CEP128: variants seen among roughly 807,000 people sequenced by gnomAD.
CEP128 encodes the protein centrosomal protein 128, also known as centrosomal protein 128kDa.
Under a neutral mutation model 156.7 loss-of-function variants are expected in CEP128, and 132 were observed. The observed-to-expected ratio is 0.84, with a 90% confidence interval of 0.73 to 0.97. The LOEUF (loss-of-function observed/expected upper bound fraction) is 0.97, where lower values mean the gene tolerates loss of function less well. CEP128 is among the 50% of genes least tolerant of loss of function. The probability of loss-of-function intolerance (pLI) is 0.00; values close to 1 mark genes in which losing one functional copy is unlikely to be tolerated. For missense variants in CEP128, 1,252 were observed against 1,281.9 expected (o/e 0.98, Z 0.36); for synonymous variants, 469 against 448.9 (o/e 1.04, Z -0.57).
intron 19 of CEP128, among the ~76,000 whole-genome samples, chr14:80,643,864 G>C (rs1307451230): frequency 6.6e-6 from 1 of 152,180 alleles, no homozygotes; most frequent in African/African-American, 2.4e-5. Context: ...ACAGTGACTA[G>C]TGAACTCCCA....
At chr14:80,697,580 T>C (rs955713724) in intron 19 of CEP128, among the ~76,000 whole-genome samples, 3 of 152,084 alleles carry the variant, frequency 2.0e-5, no homozygotes, top group Non-Finnish European at 4.4e-5. Context: ...ATTGTCTATA[T>C]GTACATTTTG....
In CEP128 at chr14:80,619,031, T is replaced by A. The variant is rs141090802; in HGVS notation, c.2807-38608A>T. 2.1e-3 allele frequency among the ~76,000 whole-genome samples: 323 copies of A among 152,288 alleles called. 2 individuals are homozygous for A. Among genetic ancestry groups the A allele is most frequent in the African/African-American group, 7.6e-3 (315 of 41,552 alleles). On this transcript the variant is annotated intron_variant, in intron 19 of 24. Transcript: ENST00000555265. ...CACATTTCTGACAAGGACTCCTCCA[T>A]TGTGTACTGGTTAAGTGTAAAAATG...
intron 2 of CEP128, among the ~76,000 whole-genome samples, chr14:80,922,484 A>G (rs1374725260): frequency 2.0e-5 from 3 of 152,252 alleles, no homozygotes; most frequent in African/African-American, 7.2e-5. Context: ...ACTCACTTAA[A>G]GAAACATTCT....
chr14:80,511,697 GTTC>G (rs752673829), intron 23 of CEP128, among the ~76,000 whole-genome samples: 2 of 151,470 alleles, frequency 1.3e-5, no homozygotes, highest in Non-Finnish European at 3.0e-5. Flanking sequence ...TTTATTTGAA[GTTC>G]TTCTGCTTTT....
chr14:80,823,645 C>T (rs775701109), intron 13 of CEP128, among the ~76,000 whole-genome samples: 8 of 152,164 alleles, frequency 5.3e-5, no homozygotes, highest in Non-Finnish European at 8.8e-5. Flanking sequence ...CCTTTGATTC[C>T]ATGTCTCACA....
intron 2 of CEP128, among the ~76,000 whole-genome samples, chr14:80,936,934 A>G (rs1405474931): frequency 6.6e-6 from 1 of 152,074 alleles, no homozygotes; most frequent in Non-Finnish European, 1.5e-5. Flanking sequence ...ATTAGCATGT[A>G]TATCTACTAT....
rs1900931572 is a variant in CEP128, at chr14:80,778,625, TAAAATG to T, written c.2212-585_2212-580del. ...TATAACAATCAAGAAACTACAAACTTAAAATGAAAAAGTTTACCAGTTATTTTTTCA... is the reference window on the plus strand; with the variant it reads ...TATAACAATCAAGAAACTACAAACTTAAAAAGTTTACCAGTTATTTTTTCA... On this transcript the variant is annotated intron_variant, in intron 15 of 24. Coordinates refer to ENST00000555265, the MANE Select transcript of CEP128 (RefSeq NM_152446.5). Among the ~76,000 whole-genome samples the T allele has an allele frequency of 2.0e-5, 3 of 152,130 alleles. No homozygotes were observed. The South Asian group carries it at 6.2e-4, about 32-fold the overall frequency.
At chr14:80,940,577 G>T (rs1886091018) in intron 1 of CEP128, among the ~76,000 whole-genome samples, 1 of 151,530 alleles carries the variant, frequency 6.6e-6, no homozygotes, top group African/African-American at 2.4e-5. Context: ...TACTCCGGAG[G>T]CTGAGACAGG....
At position 80,527,615 on chromosome 14, in the gene CEP128, T is replaced by A. The variant is rs915616784; in HGVS notation, c.2959-633A>T. ...GCAATGAACTGTCCAAAGATGTCAT[T>A]AATGACACATGCCACATTTGGATGC... On this transcript the variant is annotated intron_variant, in intron 22 of 24. Transcript: ENST00000555265. Among the ~76,000 whole-genome samples, 22 of 152,184 alleles carry A rather than the reference T, an allele frequency of 1.4e-4. 1 individual carries two copies. The highest frequency in any genetic ancestry group is 5.9e-4 in the Admixed American group (9 of 15,270).
At chr14:80,510,648 G>A (rs775088626) in intron 23 of CEP128, among the ~76,000 whole-genome samples, 16 of 152,024 alleles carry the variant, frequency 1.1e-4, no homozygotes, top group Non-Finnish European at 1.9e-4. Flanking sequence ...TTAATAGCTA[G>A]TGAAAGTGGG....
intron 21 of CEP128, among the ~76,000 whole-genome samples, chr14:80,542,573 TG>T (rs754632016): frequency 6.6e-6 from 1 of 152,200 alleles, no homozygotes; most frequent in Non-Finnish European, 1.5e-5. Flanking sequence ...CCAAGTCTTC[TG>T]TGGACCTAAT....
chr14:80,912,125 G>A (rs1283630281), intron 4 of CEP128, among the ~76,000 whole-genome samples: 1 of 150,298 alleles, frequency 6.7e-6, no homozygotes, highest in African/African-American at 2.5e-5. Context: ...GCTGAGGCAG[G>A]AGAATCGCTT....
At chr14:80,502,196 C>T (rs2140183561) in intron 24 of CEP128, among the ~76,000 whole-genome samples, 1 of 152,284 alleles carries the variant, frequency 6.6e-6, no homozygotes, top group African/African-American at 2.4e-5. Flanking sequence ...CCGGCTTGCC[C>T]TTGAATTCTT....
chr14:80,886,641 G>C (rs1010191068), intron 8 of CEP128, among the ~76,000 whole-genome samples: 2 of 152,146 alleles, frequency 1.3e-5, no homozygotes, highest in African/African-American at 4.8e-5. Flanking sequence ...ACTAAATATG[G>C]AAAGGAAAAA....
chr14:80,613,381 C>T (rs1300517696), intron 19 of CEP128, among the ~76,000 whole-genome samples: 1 of 137,146 alleles, frequency 7.3e-6, no homozygotes, highest in East Asian at 2.3e-4. Flanking sequence ...CGGCTCACTG[C>T]AAGCTCCACC....
chr14:80,735,142 C>T (rs1200641428), intron 19 of CEP128, among the ~76,000 whole-genome samples: 2 of 151,958 alleles, frequency 1.3e-5, no homozygotes, highest in Admixed American at 6.6e-5. Context: ...AGATTTCCAT[C>T]GATGTCCATT....
At chr14:80,854,485 G>A (rs1461709572) in intron 9 of CEP128, among the ~76,000 whole-genome samples, 2 of 152,008 alleles carry the variant, frequency 1.3e-5, no homozygotes, top group East Asian at 3.9e-4. Flanking sequence ...ATCAGTCCAG[G>A]TAATTAAAAG....
downstream of CEP128, among the ~76,000 whole-genome samples, chr14:80,487,825 C>T (rs1244915931): frequency 1.3e-5 from 2 of 151,872 alleles, no homozygotes; most frequent in African/African-American, 2.4e-5. Context: ...TTTTTGAAAC[C>T]AACAAGAACA....
intron 2 of CEP128, among the ~76,000 whole-genome samples, chr14:80,935,832 C>A (rs1338419398): frequency 6.6e-6 from 1 of 152,122 alleles, no homozygotes; most frequent in African/African-American, 2.4e-5. Context: ...AGGCTCTGTT[C>A]TAAGCACTTT....
Sources: gnomAD v4.1 joint callset for allele counts (sites outside exome capture counted in the v4.1 genomes callset) on GRCh38, gnomAD v4.1.1 for gene constraint, MANE v1.5 for transcripts, NCBI Gene and HGNC (gene_info 2026-07-23, HGNC 2026-07-21) for gene names.